DGKQ: variants seen among roughly 807,000 people sequenced by gnomAD.
DGKQ encodes the protein diacylglycerol kinase theta.
A neutral mutation model predicts 104.2 loss-of-function variants in DGKQ; 97 were observed. The observed-to-expected ratio is 0.93, with a 90% CI of 0.79 to 1.10. DGKQ has a LOEUF of 1.10. Among genes scored for constraint, DGKQ ranks in the 50% least tolerant of loss-of-function variants. The pLI, the probability that DGKQ is intolerant of heterozygous loss-of-function variation, is 0.00. For synonymous variants in DGKQ, 736 were observed against 595.2 expected (o/e 1.24, Z -3.44); for missense variants, 1,465 against 1,352.1 (o/e 1.08, Z -1.31).
intron 19 of DGKQ, 71 bp from the exon 20 acceptor site, chr4:961,905 G>A: frequency 1.2e-6 from 2 of 1,605,848 alleles, no homozygotes; most frequent in South Asian, 2.2e-5. Context: ...CCGGGTTCCG[G>A]CCCCTCTGCC....
rs1187431870 is a variant in DGKQ, at chr4:959,062, C to T, written c.*1558G>A. 1.3e-5 allele frequency: 2 copies of T among 153,328 alleles called. No homozygotes were observed. Among genetic ancestry groups the T allele is most frequent in the African/African-American group, 2.4e-5 (1 of 41,500 alleles). 9.5% of individuals were successfully genotyped at this position (153,328 alleles called of 1,614,324 possible). On this transcript the variant is annotated 3_prime_UTR_variant, in exon 23 of 23. Coordinates refer to ENST00000273814, the MANE Select transcript of DGKQ (RefSeq NM_001347.4). ...CACGATTCATACAGACCACAGTCCA[C>T]ACCAGGGCTCGCGAAGCAAAACTAA... is the stretch of plus-strand genomic sequence containing the variant.
chr4:971,071 G>A lies in DGKQ; in HGVS notation c.273C>T (p.Val91=). The A allele has an allele frequency of 6.4e-7, 1 of 1,556,608 alleles. No individual in the cohort carries two copies. Among genetic ancestry groups the A allele is most frequent in the Non-Finnish European group, 8.7e-7 (1 of 1,149,542 alleles). ...ACTTCTCATGAGACATGAAATTGCA[G>A]ACTGTGGGAATGAGCACTGTGTGAG... is the stretch of plus-strand genomic sequence containing the variant. The part of the protein sequence containing the change: ...IWGLAGFLCD[V]CNFMSHEKCL... Residue 91 remains valine (V), a splice_region_variant and synonymous_variant, in exon 2 of 23, where the codon GTC becomes GTT. Coordinates refer to ENST00000273814, the MANE Select transcript of DGKQ (RefSeq NM_001347.4). This position sits in a 1 kb window ranked among gnomAD's most constrained non-coding sequence, Gnocchi z 4.0.
chr4:968,255 C>T (rs1321976379), intron 5 of DGKQ, 27 bp downstream of exon 5: 2 of 1,266,120 alleles, frequency 1.6e-6, no homozygotes, highest in South Asian at 1.4e-5. Context: ...TGCCCCACCC[C>T]CACCCCCTCG....
Position 961,595 on chromosome 4 carries a change from C to T in DGKQ, c.2463-17G>A, listed in dbSNP as rs769354176. ...GAGCCCCAGCTGCCGCATAAGAGAG[C>T]GGGCACAGAGGTGTAGGTGCAGGCA... On this transcript the variant is annotated splice_polypyrimidine_tract_variant and intron_variant, in intron 20 of 22. Transcript: ENST00000273814. The T allele has an allele frequency of 6.3e-5, 101 of 1,609,230 alleles. No individual in the cohort carries two copies. The highest frequency in any genetic ancestry group is 1.8e-4 in the East Asian group (8 of 44,790).
intron 5 of DGKQ, 89 bp from the exon 6 acceptor site, chr4:968,116 G>A (rs568356200): frequency 3.2e-5 from 32 of 995,884 alleles, no homozygotes; most frequent in Middle Eastern, 3.5e-4. Context: ...CCCACACGAC[G>A]CAGACCCACC....
chr4:961,009 C>G, intron 22 of DGKQ, 40 bp downstream of exon 22: 1 of 1,605,634 alleles, frequency 6.2e-7, no homozygotes. Context: ...CGGCCCAGCC[C>G]GGCCCACCTC....
Position 961,126 on chromosome 4 carries a change from C to A in DGKQ, c.2650G>T (p.Ala884Ser). 6.2e-7 allele frequency: 1 copy of A among 1,608,986 alleles called. No individual in the cohort carries two copies. The highest frequency in any genetic ancestry group is 1.1e-5 in the South Asian group (1 of 90,778). ...GSYFRVTLLK[A>S]TPVQVDGEPW... ...TCCCCGTCCACCTGCACCGGGGTGG[C>A]CTTGAGGAGCGTGACTCGGAAGTAG... is the stretch of plus-strand genomic sequence containing the variant. Residue 884 changes from alanine to serine, a missense_variant, in exon 22 of 23, where the codon GCC becomes TCC. Coordinates refer to ENST00000273814, the MANE Select transcript of DGKQ (RefSeq NM_001347.4).
intron 2 of DGKQ, among the ~76,000 whole-genome samples, 154 bp downstream of exon 2, chr4:970,839 T>C (rs905405766): frequency 1.3e-5 from 2 of 152,184 alleles, no homozygotes; most frequent in African/African-American, 2.4e-5. Flanking sequence ...CCATGCAGGG[T>C]GCTCAGCCTT....
At chr4:970,922 G>C in intron 2 of DGKQ, 71 bp downstream of exon 2, 5 of 1,240,608 alleles carry the variant, frequency 4.0e-6, no homozygotes, top group Non-Finnish European at 5.7e-6. Flanking sequence ...AAGGTTTTCA[G>C]TGCCTCGACC....
chr4:971,338 C>T lies in DGKQ; in HGVS notation c.272-266G>A, dbSNP rs1484513475. Among the ~76,000 whole-genome samples, 1 of 152,132 alleles carries T rather than the reference C, an allele frequency of 6.6e-6. No individual in the cohort carries two copies. Among genetic ancestry groups the T allele is most frequent in the Non-Finnish European group, 1.5e-5 (1 of 67,974 alleles). ...TCCAGAGAGCAGTCCCTCCCCTTCGCACGTAGGCCCAGCACTCCTCCTGCC... is the reference window on the plus strand; with the variant it reads ...TCCAGAGAGCAGTCCCTCCCCTTCGTACGTAGGCCCAGCACTCCTCCTGCC... On this transcript the variant is annotated intron_variant, in intron 1 of 22. Coordinates refer to ENST00000273814, the MANE Select transcript of DGKQ (RefSeq NM_001347.4). The surrounding 1 kb of genome is among the most constrained non-coding windows in gnomAD (Gnocchi z 4.0).
rs1211786890 is a variant in DGKQ, at chr4:967,376, G to A, written c.988-15C>T. 2.0e-6 allele frequency: 3 copies of A among 1,472,884 alleles called. No individual in the cohort carries two copies. The highest frequency in any genetic ancestry group is 2.7e-6 in the Non-Finnish European group (3 of 1,096,362). The allele number at this position is 1,472,884 out of a possible 1,614,324, so 91.2% of individuals were successfully genotyped here. ...AGTGCGGCCTCCTGCAGGGCACCAG[G>A]TTAGAGGGGCCAAGTTGTGGGGGGT... On this transcript the variant is annotated splice_polypyrimidine_tract_variant and intron_variant, in intron 8 of 22. Coordinates refer to ENST00000273814, the MANE Select transcript of DGKQ (RefSeq NM_001347.4).
In DGKQ at chr4:959,904, C is replaced by T. The variant is rs1018245571; in HGVS notation, c.*716G>A. ...AGCCTCCACGTGGACAGAGGTTCTC[C>T]TCCCCAAGCAGAGGCACTAGGAAAG... On this transcript the variant is annotated 3_prime_UTR_variant, in exon 23 of 23. Coordinates refer to ENST00000273814, the MANE Select transcript of DGKQ (RefSeq NM_001347.4). 2.6e-5 allele frequency: 4 copies of T among 152,188 alleles called. No individual in the cohort carries two copies. Among genetic ancestry groups the T allele is most frequent in the Non-Finnish European group, 5.9e-5 (4 of 68,028 alleles). The allele number at this position is 152,188 out of a possible 1,614,324, so 9.4% of individuals were successfully genotyped here. A position where few individuals can be genotyped will look rare whatever the true frequency, so the allele number is the denominator to read the frequency against.
intron 19 of DGKQ, 21 bp downstream of exon 19, chr4:961,961 T>C: frequency 3.1e-6 from 5 of 1,611,902 alleles, no homozygotes; most frequent in Non-Finnish European, 4.2e-6. Context: ...TGACAGGTGG[T>C]AGCCCCTGCG....
chr4:963,151 C>A lies in DGKQ; in HGVS notation c.1874G>T (p.Gly625Val), dbSNP rs1179298333. 6.3e-7 allele frequency: 1 copy of A among 1,597,990 alleles called. No homozygotes were observed. The part of the protein sequence containing the change: ...PHQVFDLTNG[G>V]PLPGLHLFSQ... The stretch of plus-strand genomic sequence containing the variant: ...CTGCTGGACTCACCCGGGAAGAGGA[C>A]CTCCGTTGGTCAGGTCGAAGACCTG... The change falls in exon 16 of 23, where the codon GGT (glycine) becomes GTT (valine). Residue 625 changes from glycine (G) to valine (V), a missense_variant. Physicochemically the swap from Gly to Val is moderately radical, Grantham distance 109. Transcript: ENST00000273814.
chr4:966,546 A>G lies in DGKQ; in HGVS notation c.1367-19T>C. 6.2e-7 allele frequency: 1 copy of G among 1,608,010 alleles called. No individual in the cohort carries two copies. Among genetic ancestry groups the G allele is most frequent in the Non-Finnish European group, 8.5e-7 (1 of 1,176,808 alleles). ...CGCTGGACTGCAGAGGTGAGGGCAC[A>G]GGCCGTCAGCACCCGGCTCCTCGCC... is the stretch of plus-strand genomic sequence containing the variant. On this transcript the variant is annotated intron_variant, in intron 11 of 22. Transcript: ENST00000273814.
intron 6 of DGKQ, 29 bp from the exon 7 acceptor site, chr4:967,831 T>TCAGTGCG (rs1712540473): frequency 6.4e-7 from 1 of 1,564,154 alleles, no homozygotes; most frequent in Non-Finnish European, 8.6e-7. Flanking sequence ...GACCCCTCAT[T>TCAGTGCG]CAGTGCGCAG....
In DGKQ at chr4:966,094, C is replaced by G. The variant is rs1167572401; in HGVS notation, c.1429-16G>C. On this transcript the variant is annotated splice_polypyrimidine_tract_variant and intron_variant, in intron 12 of 22. Coordinates refer to ENST00000273814, the MANE Select transcript of DGKQ (RefSeq NM_001347.4). The stretch of plus-strand genomic sequence containing the variant: ...GCACAGACATCTGCAGGGAGAGGGG[C>G]GGGGATGCTGGGCCGGGGAGAACGG... 2 of 1,586,616 alleles carry G rather than the reference C, an allele frequency of 1.3e-6. No homozygotes were observed. Among genetic ancestry groups the G allele is most frequent in the Admixed American group, 3.5e-5 (2 of 56,472 alleles).
chr4:964,956 C>T (rs1006401106), intron 15 of DGKQ, among the ~76,000 whole-genome samples: 1 of 152,084 alleles, frequency 6.6e-6, no homozygotes, highest in Non-Finnish European at 1.5e-5. Flanking sequence ...GAGCGCTGAC[C>T]CTCTGACCTC....
rs1712014901 is a variant in DGKQ at position 963,119 on chromosome 4, AG to A, written c.1886+19del. On this transcript the variant is annotated intron_variant, in intron 16 of 22. Transcript: ENST00000273814. The stretch of plus-strand genomic sequence containing the variant: ...CCCGCCCCTGCTGCTGCCCTGGACC[AG>A]GGGTCCTGCTGGACTCACCCGGGAA... 6.3e-7 allele frequency: 1 copy of A among 1,584,198 alleles called. No homozygotes were observed. The highest frequency in any genetic ancestry group is 1.7e-5 in the Admixed American group (1 of 57,524).
Sources: gnomAD v4.1 joint callset for allele counts (sites outside exome capture counted in the v4.1 genomes callset) on GRCh38, gnomAD v4.1.1 for gene constraint, Gnocchi (gnomAD v3.1) non-coding constraint, MANE v1.5 for transcripts, NCBI Gene and HGNC (gene_info 2026-07-23, HGNC 2026-07-21) for gene names.